Variants in PSEN2 observed in about 807,000 individuals in gnomAD.
PSEN2 encodes the protein presenilin 2, also known as presenilin-2.
PSEN2 carries 32 observed loss-of-function variants against 49.1 expected under a neutral mutation model. The ratio of observed to expected loss-of-function variants is 0.65; its 90% CI spans 0.49 to 0.88. The LOEUF (loss-of-function observed/expected upper bound fraction) is 0.88. Among genes scored for constraint, PSEN2 ranks in the 40% least tolerant of loss-of-function variants. PSEN2 has a pLI of 0.00. For missense variants in PSEN2, 522 were observed against 586.9 expected, an observed-to-expected ratio of 0.89 and a Z score of 1.14; for synonymous variants, 255 against 244.0, an observed-to-expected ratio of 1.05 and a Z score of -0.42.
chr1:226,898,205 T>G (rs1317730079), downstream of PSEN2: 3 of 152,340 alleles, frequency 2.0e-5, no homozygotes, highest in African/African-American at 7.2e-5. Flanking sequence ...TCCACGCACC[T>G]TGGCCTCCAA....
chr1:226,880,768 T>G lies in PSEN2; in HGVS notation c.-20-1120T>G, dbSNP rs754221199. Reference sequence around the variant, plus strand: ...TTGGTACTACTGTGTGAAACCCCACTTGGCACTGTTTTAGGGGGCAGGCTT... The same window carrying G: ...TTGGTACTACTGTGTGAAACCCCACGTGGCACTGTTTTAGGGGGCAGGCTT... On this transcript the variant is annotated intron_variant, in intron 3 of 12. Transcript: ENST00000366783. 5 of 1,611,706 alleles carry G rather than the reference T, an allele frequency of 3.1e-6. No individual in the cohort carries two copies. The Admixed American group carries it at 8.3e-5, about 27-fold the overall frequency.
intron 5 of PSEN2, 70 bp from the exon 6 acceptor site, chr1:226,885,468 A>G: frequency 6.3e-7 from 1 of 1,574,804 alleles, no homozygotes; most frequent in Non-Finnish European, 8.6e-7. Context: ...CAGGTCCAGA[A>G]TCACTCAAGG....
At chr1:226,882,495 CTG>C (rs530187457) in intron 4 of PSEN2, among the ~76,000 whole-genome samples, 1 of 152,184 alleles carries the variant, frequency 6.6e-6, no homozygotes, top group Non-Finnish European at 1.5e-5. Context: ...TTGGGCTTCA[CTG>C]TGATCATTCA....
Position 226,886,972 on chromosome 1 carries a change from A to G in PSEN2, c.499-1119A>G, listed in dbSNP as rs557703394. Among the ~76,000 whole-genome samples, 5 of 152,324 alleles carry G rather than the reference A, an allele frequency of 3.3e-5. No homozygotes were observed. The East Asian group carries it at 9.6e-4, about 29-fold the overall frequency. On this transcript the variant is annotated intron_variant, in intron 6 of 12. Transcript: ENST00000366783. ...TAAAATAAGTAACAATTACCTGTGTAACTGTGACGAGGCAGGGTTTGAACA... is the reference window on the plus strand; with the variant it reads ...TAAAATAAGTAACAATTACCTGTGTGACTGTGACGAGGCAGGGTTTGAACA...
At chr1:226,879,955 G>A (rs17391089) in intron 3 of PSEN2, among the ~76,000 whole-genome samples, 19,860 of 152,270 alleles carry the variant, frequency 0.13, 1,827 homozygotes, top group Non-Finnish European at 0.19. Context: ...TGAAGTTAAA[G>A]TCCCTGTAGG....
chr1:226,889,999 G>A (rs1268890073), intron 8 of PSEN2, 36 bp from the exon 9 acceptor site: 16 of 1,550,232 alleles, frequency 1.0e-5, no homozygotes, highest in Middle Eastern at 1.7e-4. Context: ...GGGGCTGCCC[G>A]GGGATAGTTT....
At chr1:226,873,146 C>T (rs1660417621) in intron 2 of PSEN2, among the ~76,000 whole-genome samples, 1 of 151,176 alleles carries the variant, frequency 6.6e-6, no homozygotes. Flanking sequence ...CATGGCACTC[C>T]AGCCTGGGCA....
intron 2 of PSEN2, among the ~76,000 whole-genome samples, chr1:226,873,202 C>T (rs1309459753): frequency 6.6e-6 from 1 of 151,690 alleles, no homozygotes; most frequent in African/African-American, 2.4e-5. Flanking sequence ...GGTTTCACAT[C>T]AGTCCTCAGG....
chr1:226,895,657 C>A lies in PSEN2; in HGVS notation c.*78C>A. The A allele has an allele frequency of 6.8e-7, 1 of 1,468,920 alleles. No individual in the cohort carries two copies. The highest frequency in any genetic ancestry group is 9.3e-7 in the Non-Finnish European group (1 of 1,074,588). 91.0% of individuals were successfully genotyped at this position (1,468,920 alleles called of 1,614,324 possible). On this transcript the variant is annotated 3_prime_UTR_variant, in exon 13 of 13. Coordinates refer to ENST00000366783, the MANE Select transcript of PSEN2 (RefSeq NM_000447.3). Reference sequence around the variant, plus strand: ...GTTGTATAGTTTTACACTCTAGTGCCATATATTTTTAAGACTTTTCTTTCC... The same window carrying A: ...GTTGTATAGTTTTACACTCTAGTGCAATATATTTTTAAGACTTTTCTTTCC...
At chr1:226,899,652 G>T (rs781308897), downstream of PSEN2, 9 of 152,240 alleles carry the variant, frequency 5.9e-5, no homozygotes, top group Non-Finnish European at 1.0e-4. Flanking sequence ...TAAGGGTTAG[G>T]TCACTGCAGT....
intron 8 of PSEN2, 21 bp downstream of exon 8, chr1:226,889,070 G>A (rs1469349947): frequency 1.3e-6 from 2 of 1,594,810 alleles, no homozygotes; most frequent in Non-Finnish European, 1.7e-6. Context: ...AGCAAGGCTG[G>A]TGGGGGCAGT....
chr1:226,881,539 A>G (rs1660988230), intron 3 of PSEN2, among the ~76,000 whole-genome samples: 1 of 152,180 alleles, frequency 6.6e-6, no homozygotes, highest in Non-Finnish European at 1.5e-5. Context: ...TTTTATCCCC[A>G]GAGCCCAGCA....
At position 226,873,038 on chromosome 1, in the gene PSEN2, G is replaced by A. The variant is rs868486342; in HGVS notation, c.-207+1634G>A. 3.5e-4 allele frequency among the ~76,000 whole-genome samples: 53 copies of A among 152,252 alleles called. No homozygotes were observed. In the Middle Eastern group the frequency reaches 0.014, roughly 39 times the overall value. ...ACTAAAAATACAAAATTAGCCGGGC[G>A]TGGTGGCACATGCCTGTAATCCCAG... On this transcript the variant is annotated intron_variant, in intron 2 of 12. Transcript: ENST00000366783.
chr1:226,893,972 C>T, intron 11 of PSEN2, 35 bp from the exon 12 acceptor site: 1 of 1,546,366 alleles, frequency 6.5e-7, no homozygotes, highest in African/African-American at 1.4e-5. Flanking sequence ...CTGTGCACGC[C>T]TCTTCAGTAC....
intron 2 of PSEN2, among the ~76,000 whole-genome samples, chr1:226,872,038 G>T (rs1295646): frequency 6.6e-6 from 1 of 152,092 alleles, no homozygotes; most frequent in Non-Finnish European, 1.5e-5. Context: ...AAGTGCCCAT[G>T]TGCCAAGTCT....
In PSEN2 at chr1:226,890,184, G is replaced by A. The variant is rs1202348565; in HGVS notation, c.886+51G>A. The A allele has an allele frequency of 2.0e-6, 3 of 1,466,212 alleles. No homozygotes were observed. In the Admixed American group the frequency reaches 5.0e-5, roughly 25 times the overall value. 90.8% of individuals were successfully genotyped at this position (1,466,212 alleles called of 1,614,324 possible). ...CTGACTCGGGGTCAGCAGGCAGCCT[G>A]TGGGGGGACAGGGGCCTGCTTCCTG... On this transcript the variant is annotated intron_variant, in intron 9 of 12. Transcript: ENST00000366783.
chr1:226,889,951 C>G (rs755407024), intron 8 of PSEN2, 84 bp from the exon 9 acceptor site: 42 of 1,087,498 alleles, frequency 3.9e-5, no homozygotes, highest in East Asian at 2.6e-4. Flanking sequence ...GAGAGCTCCA[C>G]CCGGGGCTCC....
In PSEN2 at chr1:226,871,337, C is replaced by G. The variant is rs563084524; in HGVS notation, c.-274C>G. The G allele has an allele frequency of 6.6e-6, 1 of 152,316 alleles. No homozygotes were observed. Among genetic ancestry groups the G allele is most frequent in the East Asian group, 1.9e-4 (1 of 5,172 alleles). 9.4% of individuals were successfully genotyped at this position (152,316 alleles called of 1,614,324 possible). ...GAACCTGAGACAGAAGCTAGTCCCC[C>G]CTCTGAATTTTACTGATGAAGAAAC... On this transcript the variant is annotated 5_prime_UTR_variant, in exon 2 of 13. Coordinates refer to ENST00000366783, the MANE Select transcript of PSEN2 (RefSeq NM_000447.3).
At chr1:226,889,935 T>G in intron 8 of PSEN2, 100 bp from the exon 9 acceptor site, 1 of 931,084 alleles carries the variant, frequency 1.1e-6, no homozygotes. Flanking sequence ...AGGCAAGGCA[T>G]GCTCTGAGAG....
Sources: allele counts gnomAD v4.1 joint callset (sites outside exome capture counted in the v4.1 genomes callset), GRCh38; gene constraint gnomAD v4.1.1; transcripts MANE v1.5; gene names NCBI Gene and HGNC (gene_info 2026-07-23, HGNC 2026-07-21).